The following OLFM3 variants were observed in gnomAD, a reference collection of about 807,000 sequenced individuals.
The protein encoded by OLFM3 is noelin-3.
OLFM3 carries 20 observed loss-of-function variants against 48.6 expected under a neutral mutation model. The ratio of observed to expected loss-of-function variants is 0.41; its 90% CI spans 0.29 to 0.60. The LOEUF (loss-of-function observed/expected upper bound fraction) is 0.60, where lower values mean the gene tolerates loss of function less well. Ranked by LOEUF, OLFM3 falls within the 20% of genes least tolerant of loss-of-function variation. OLFM3 has a pLI of 0.28. For missense variants in OLFM3, 437 were observed against 544.3 expected (o/e 0.80, Z 1.96); for synonymous variants, 222 against 198.1 (o/e 1.12, Z -1.01).
At chr1:101,814,167 G>A (rs1384962530) in intron 4 of OLFM3, among the ~76,000 whole-genome samples, 1 of 151,938 alleles carries the variant, frequency 6.6e-6, no homozygotes, top group African/African-American at 2.4e-5. Context: ...ACTCCAGTCA[G>A]TCTTACCGTA....
At chr1:101,835,564 C>G (rs572961295) in intron 2 of OLFM3, among the ~76,000 whole-genome samples, 1 of 152,244 alleles carries the variant, frequency 6.6e-6, no homozygotes. Context: ...ATCCACCTGC[C>G]TTGGCCTCCC....
At chr1:101,856,354 T>C (rs892610503) in intron 1 of OLFM3, among the ~76,000 whole-genome samples, 8 of 151,978 alleles carry the variant, frequency 5.3e-5, no homozygotes, top group African/African-American at 1.9e-4. Context: ...TGAAGCCATA[T>C]AAACCCTTTA....
chr1:101,852,748 C>G (rs1237195380), intron 1 of OLFM3, among the ~76,000 whole-genome samples: 1 of 152,126 alleles, frequency 6.6e-6, no homozygotes, highest in Non-Finnish European at 1.5e-5. Flanking sequence ...CACATGCAGC[C>G]ATTCCTGCAA....
chr1:101,833,195 T>G (rs1308399017), intron 2 of OLFM3, among the ~76,000 whole-genome samples: 1 of 152,232 alleles, frequency 6.6e-6, no homozygotes, highest in Non-Finnish European at 1.5e-5. Context: ...AAGGTTAATT[T>G]TCAACTTCAT....
chr1:101,913,578 T>C (rs1658826536), intron 1 of OLFM3, among the ~76,000 whole-genome samples: 1 of 152,034 alleles, frequency 6.6e-6, no homozygotes, highest in South Asian at 2.1e-4. Flanking sequence ...TTGACATTGA[T>C]GTTAACATTT....
chr1:101,845,250 C>T (rs1655939171), intron 1 of OLFM3, among the ~76,000 whole-genome samples: 1 of 151,748 alleles, frequency 6.6e-6, no homozygotes, highest in African/African-American at 2.4e-5. Context: ...CATATACAGA[C>T]ATACAGCAAT....
At chr1:101,860,664 A>G (rs1329356436) in intron 1 of OLFM3, among the ~76,000 whole-genome samples, 1 of 152,052 alleles carries the variant, frequency 6.6e-6, no homozygotes, top group Non-Finnish European at 1.5e-5. Context: ...CATCAACTTC[A>G]TGAAATCATG....
chr1:101,888,615 A>G (rs955273017), intron 1 of OLFM3, among the ~76,000 whole-genome samples: 1 of 152,190 alleles, frequency 6.6e-6, no homozygotes, highest in Non-Finnish European at 1.5e-5. Context: ...CTAAAACACC[A>G]AAAGCAATGG....
chr1:101,969,015 C>A (rs1463011999), intron 1 of OLFM3, among the ~76,000 whole-genome samples: 1 of 152,236 alleles, frequency 6.6e-6, no homozygotes, highest in Non-Finnish European at 1.5e-5. Context: ...TTTACAGATT[C>A]TGTGAGATTT....
chr1:101,881,696 A>G (rs1387080945), intron 1 of OLFM3, among the ~76,000 whole-genome samples: 1 of 151,844 alleles, frequency 6.6e-6, no homozygotes, highest in African/African-American at 2.4e-5. Context: ...CACAGACTAT[A>G]CAGTGAGTTG....
At chr1:101,888,351 C>G (rs1036192798) in intron 1 of OLFM3, among the ~76,000 whole-genome samples, 3 of 152,150 alleles carry the variant, frequency 2.0e-5, no homozygotes, top group Non-Finnish European at 4.4e-5. Context: ...CATCACACAT[C>G]TACAACCATC....
At chr1:101,932,636 A>G (rs185007930) in intron 1 of OLFM3, among the ~76,000 whole-genome samples, 3 of 152,192 alleles carry the variant, frequency 2.0e-5, no homozygotes, top group East Asian at 3.9e-4. Flanking sequence ...GCAAAGCAAA[A>G]CAAAACAAAA....
chr1:101,909,044 T>TC (rs1199527441), intron 1 of OLFM3, among the ~76,000 whole-genome samples: 1 of 152,198 alleles, frequency 6.6e-6, no homozygotes, highest in African/African-American at 2.4e-5. Context: ...TATTTTTGTG[T>TC]CCCCCCTTCA....
intron 1 of OLFM3, among the ~76,000 whole-genome samples, chr1:101,933,694 A>G (rs1013079406): frequency 2.6e-5 from 4 of 152,178 alleles, no homozygotes; most frequent in African/African-American, 9.7e-5. Context: ...GAAAGAAAAA[A>G]TGTTAAAGGC....
chr1:101,836,601 T>TTG (rs1655423211), intron 2 of OLFM3, among the ~76,000 whole-genome samples: 1 of 152,030 alleles, frequency 6.6e-6, no homozygotes, highest in African/African-American at 2.4e-5. Context: ...ATGCTTTTTT[T>TTG]TTTTCCTTAA....
chr1:101,976,599 T>G (rs1660959290), intron 1 of OLFM3, among the ~76,000 whole-genome samples: 1 of 152,142 alleles, frequency 6.6e-6, no homozygotes, highest in Admixed American at 6.6e-5. Context: ...CACAATAATC[T>G]TATAAGTCCG....
intron 1 of OLFM3, among the ~76,000 whole-genome samples, chr1:101,873,920 A>G (rs924922051): frequency 1.3e-5 from 2 of 151,958 alleles, no homozygotes; most frequent in Non-Finnish European, 2.9e-5. Flanking sequence ...TTTACATTTT[A>G]TTTATTAAAA....
chr1:101,832,690 T>C (rs2027451), intron 2 of OLFM3, among the ~76,000 whole-genome samples: 59,550 of 152,108 alleles, frequency 0.39, 12,376 homozygotes, highest in East Asian at 0.52. Flanking sequence ...TGAATATTTA[T>C]TGAGTAAAAT....
At chr1:101,859,580 C>G (rs1415099) in intron 1 of OLFM3, among the ~76,000 whole-genome samples, 38,940 of 151,960 alleles carry the variant, frequency 0.26, 6,483 homozygotes, top group Non-Finnish European at 0.38. Flanking sequence ...GAAATATTTG[C>G]ATTATACTTA....
Sources: allele counts gnomAD v4.1 joint callset (sites outside exome capture counted in the v4.1 genomes callset), GRCh38; gene constraint gnomAD v4.1.1; transcripts MANE v1.5; gene names NCBI Gene and HGNC (gene_info 2026-07-23, HGNC 2026-07-21).